Variants in CR2 observed in about 807,000 individuals in gnomAD.
The protein encoded by CR2 is complement receptor type 2.
In CR2, 96 loss-of-function variants were observed where a neutral mutation model predicts 123.0. The ratio of observed to expected loss-of-function variants is 0.78; its 90% CI spans 0.66 to 0.93. CR2 has a LOEUF of 0.93. Among genes scored for constraint, CR2 ranks in the 40% least tolerant of loss-of-function variants. CR2 has a pLI of 0.00. For synonymous variants in CR2, 484 were observed against 469.5 expected (o/e 1.03, Z -0.40); for missense variants, 1,258 against 1,361.0 (o/e 0.92, Z 1.19).
At chr1:207,467,192 G>A (rs573008418) in intron 2 of CR2, among the ~76,000 whole-genome samples, 9 of 152,304 alleles carry the variant, frequency 5.9e-5, no homozygotes, top group Non-Finnish European at 1.0e-4. Flanking sequence ...TGGGGTCAGA[G>A]TTTGTTGGGG....
intron 18 of CR2, among the ~76,000 whole-genome samples, chr1:207,483,480 C>T (rs765362957): frequency 2.0e-5 from 3 of 152,004 alleles, no homozygotes; most frequent in Non-Finnish European, 4.4e-5. Context: ...GTGTACCACA[C>T]AACCCTGCTT....
rs1276473237 is a variant in CR2 at position 207,489,618 on chromosome 1, G to T, written c.*495G>T. ...TATTTTGATAGTAGCTTCCTCCTCT[G>T]GTGGTGTTAATCATTTCATTTTTAC... On this transcript the variant is annotated 3_prime_UTR_variant, in exon 20 of 20. Coordinates refer to ENST00000367057, the MANE Select transcript of CR2 (RefSeq NM_001006658.3). 2.0e-5 allele frequency: 3 copies of T among 152,142 alleles called. No homozygotes were observed. The highest frequency in any genetic ancestry group is 7.2e-5 in the African/African-American group (3 of 41,430). 9.4% of individuals were successfully genotyped at this position (152,142 alleles called of 1,614,324 possible).
chr1:207,465,569 C>T (rs192559047), intron 1 of CR2, among the ~76,000 whole-genome samples: 24 of 152,216 alleles, frequency 1.6e-4, no homozygotes, highest in Middle Eastern at 3.4e-3. Context: ...CAACAGTTCT[C>T]GAAAGTTACC....
At chr1:207,467,162 T>C (rs539443635) in intron 2 of CR2, among the ~76,000 whole-genome samples, 1 of 152,246 alleles carries the variant, frequency 6.6e-6, no homozygotes, top group East Asian at 1.9e-4. Context: ...AATAATTGAG[T>C]AGGGTAAGTT....
rs1407264852 is a variant in CR2 at position 207,474,986 on chromosome 1, G to C, written c.2486G>C (p.Gly829Ala). The change falls in exon 14 of 20, where the codon GGA (glycine) becomes GCA (alanine). Residue 829 changes from glycine (G) to alanine (A), a missense_variant. Coordinates refer to ENST00000367057, the MANE Select transcript of CR2 (RefSeq NM_001006658.3). ...LQCRSDSKGH[G>A]SWSGPSPQCL... The stretch of plus-strand genomic sequence containing the variant: ...TGCAGAAGTGATTCTAAAGGACATG[G>C]ATCTTGGAGCGGGCCTTCCCCACAG... The C allele has an allele frequency of 6.8e-6, 11 of 1,613,994 alleles. No homozygotes were observed. Among genetic ancestry groups the C allele is most frequent in the South Asian group, 1.1e-5 (1 of 91,084 alleles).
At position 207,475,092 on chromosome 1, in the gene CR2, A is replaced by C; in HGVS notation, c.2592A>C (p.Ala864=). The C allele has an allele frequency of 3.7e-6, 6 of 1,612,710 alleles. No homozygotes were observed. The highest frequency in any genetic ancestry group is 5.1e-6 in the Non-Finnish European group (6 of 1,179,110). Residue 864 remains alanine (A), a synonymous_variant, in exon 14 of 20, where the codon GCA becomes GCC. Coordinates refer to ENST00000367057, the MANE Select transcript of CR2 (RefSeq NM_001006658.3). The part of the protein sequence containing the change: ...HGYKLNKTHS[A]YSHNDIVYVD... ...ACAAGCTCAATAAAACACATTCTGC[A>C]TATTCCCACAATGACATAGTGTATG...
At position 207,458,952 on chromosome 1, in the gene CR2, C is replaced by G. The variant is rs368670324; in HGVS notation, c.58+4476C>G. Among the ~76,000 whole-genome samples the G allele has an allele frequency of 5.5e-4, 83 of 150,808 alleles. No individual in the cohort carries two copies. In the South Asian group the frequency reaches 0.01, roughly 19 times the overall value. ...AACTGTTGTTAAACTAAATAACAAA[C>G]AGGGAAAGACCCTAAAAAAAAAAGA... is the stretch of plus-strand genomic sequence containing the variant. On this transcript the variant is annotated intron_variant, in intron 1 of 19. Coordinates refer to ENST00000367057, the MANE Select transcript of CR2 (RefSeq NM_001006658.3).
intron 12 of CR2, 37 bp downstream of exon 12, chr1:207,473,922 A>T (rs1395066967): frequency 6.3e-7 from 1 of 1,590,054 alleles, no homozygotes; most frequent in Non-Finnish European, 8.6e-7. Flanking sequence ...AAAAGGTCTC[A>T]ACCTTGTTTT....
Position 207,476,218 on chromosome 1 carries a change from C to A in CR2, c.2717-16C>A. 1.2e-6 allele frequency: 2 copies of A among 1,612,760 alleles called. No homozygotes were observed. The highest frequency in any genetic ancestry group is 2.2e-5 in the South Asian group (2 of 91,020). On this transcript the variant is annotated splice_polypyrimidine_tract_variant and intron_variant, in intron 14 of 19. Transcript: ENST00000367057. The stretch of plus-strand genomic sequence containing the variant: ...CTCTGTGCTGAGTTAAAGACCCTTT[C>A]TTATTGGTGTCTAAGCCTTCATAGG...
At chr1:207,457,429 G>A (rs552418253) in intron 1 of CR2, among the ~76,000 whole-genome samples, 2 of 152,244 alleles carry the variant, frequency 1.3e-5, no homozygotes, top group South Asian at 2.1e-4. Flanking sequence ...CAGCATTTAA[G>A]TATACCCCAG....
intron 6 of CR2, among the ~76,000 whole-genome samples, 188 bp downstream of exon 6, chr1:207,470,290 A>G (rs1658231909): frequency 6.6e-6 from 1 of 152,072 alleles, no homozygotes; most frequent in African/African-American, 2.4e-5. Flanking sequence ...ATTTTGTGGG[A>G]ATATGCTTGG....
In CR2 at chr1:207,454,572, T is replaced by TG; in HGVS notation, c.58+101dup. ...AAGCAGGGGGCCAAAAGCGAGACGG[T>TG]GGGGGCAGTGCTCGACGCGTGTCCG... On this transcript the variant is annotated intron_variant, in intron 1 of 19. Coordinates refer to ENST00000367057, the MANE Select transcript of CR2 (RefSeq NM_001006658.3). The surrounding 1 kb of genome is among the most constrained non-coding windows in gnomAD (Gnocchi z 4.3). 1 of 957,720 alleles carries TG rather than the reference T, an allele frequency of 1.0e-6. No individual in the cohort carries two copies. The highest frequency in any genetic ancestry group is 1.5e-6 in the Non-Finnish European group (1 of 657,692). The allele number at this position is 957,720 out of a possible 1,614,324, so 59.3% of individuals were successfully genotyped here. A position where few individuals can be genotyped will look rare whatever the true frequency, so the allele number is the denominator to read the frequency against.
chr1:207,466,004 C>A (rs1314306408), intron 1 of CR2, among the ~76,000 whole-genome samples: 1 of 152,178 alleles, frequency 6.6e-6, no homozygotes, highest in African/African-American at 2.4e-5. Flanking sequence ...ATTGTACTTT[C>A]TCTGTTCATG....
chr1:207,470,301 A>G (rs1260695620), intron 6 of CR2, among the ~76,000 whole-genome samples, 199 bp downstream of exon 6: 2 of 152,114 alleles, frequency 1.3e-5, no homozygotes, highest in Non-Finnish European at 2.9e-5. Context: ...ATATGCTTGG[A>G]AAAAATGTTA....
chr1:207,482,460 G>C (rs1231122778), intron 18 of CR2, among the ~76,000 whole-genome samples: 1 of 152,024 alleles, frequency 6.6e-6, no homozygotes, highest in Non-Finnish European at 1.5e-5. Flanking sequence ...TAGAGAAATA[G>C]AAGTCATGCG....
At chr1:207,461,937 C>T (rs1657976935) in intron 1 of CR2, among the ~76,000 whole-genome samples, 2 of 152,244 alleles carry the variant, frequency 1.3e-5, no homozygotes, top group Admixed American at 1.3e-4. Context: ...CTTCCTTTTA[C>T]TCCTAGGGGC....
chr1:207,469,800 A>C lies in CR2; in HGVS notation c.923A>C (p.Asp308Ala). Residue 308 changes from aspartate (D) to alanine (A), a missense_variant, in exon 6 of 20, where the codon GAC becomes GCC. Transcript: ENST00000367057. ...ATAGTCACTTACACTTGTGACCCGGACCCAGAGGAAGGAGTGAACTTCATC... is the reference window on the plus strand; with the variant it reads ...ATAGTCACTTACACTTGTGACCCGGCCCCAGAGGAAGGAGTGAACTTCATC... ...GSIVTYTCDP[D>A]PEEGVNFILI... 1.9e-6 allele frequency: 3 copies of C among 1,613,922 alleles called. No homozygotes were observed. The South Asian group carries it at 3.3e-5, about 18-fold the overall frequency.
intron 9 of CR2, among the ~76,000 whole-genome samples, 167 bp downstream of exon 9, chr1:207,471,666 C>T (rs934244046): frequency 6.6e-6 from 1 of 152,008 alleles, no homozygotes; most frequent in South Asian, 2.1e-4. Context: ...CTTTTGCTAC[C>T]TTTTTCTTCA....
intron 1 of CR2, among the ~76,000 whole-genome samples, chr1:207,460,875 A>G (rs913561591): frequency 2.6e-5 from 4 of 152,060 alleles, no homozygotes; most frequent in Non-Finnish European, 5.9e-5. Flanking sequence ...ACTCTACTAG[A>G]TTAACAGAAT....
Sources: allele counts gnomAD v4.1 joint callset (sites outside exome capture counted in the v4.1 genomes callset), GRCh38; gene constraint gnomAD v4.1.1; non-coding constraint Gnocchi (gnomAD v3.1); transcripts MANE v1.5; gene names NCBI Gene and HGNC (gene_info 2026-07-23, HGNC 2026-07-21).